BEGAIN: variants seen among roughly 807,000 people sequenced by gnomAD.
BEGAIN encodes the protein brain enriched guanylate kinase associated, also known as brain-enriched guanylate kinase-associated protein.
In BEGAIN, 19 loss-of-function variants were observed where a neutral mutation model predicts 35.8. The ratio of observed to expected loss-of-function variants is 0.53; its 90% CI spans 0.37 to 0.78. BEGAIN has a LOEUF of 0.78. BEGAIN is among the 30% of genes least tolerant of loss of function. BEGAIN has a pLI of 0.00. For missense variants in BEGAIN, 795 were observed against 853.6 expected (o/e 0.93, Z 0.85); for synonymous variants, 462 against 388.6 (o/e 1.19, Z -2.22).
intron 2 of BEGAIN, among the ~76,000 whole-genome samples, chr14:100,551,433 G>C (rs907977043): frequency 5.3e-5 from 8 of 152,192 alleles, no homozygotes; most frequent in African/African-American, 1.7e-4. Flanking sequence ...CTCTGATGCT[G>C]CCCCAGAAAT....
chr14:100,565,676 G>C (rs2034627878), intron 2 of BEGAIN, among the ~76,000 whole-genome samples: 1 of 152,034 alleles, frequency 6.6e-6, no homozygotes, highest in African/African-American at 2.4e-5. Flanking sequence ...GACACTTCAG[G>C]ACCCCTTCAC....
rs541161512 is a variant in BEGAIN at position 100,582,423 on chromosome 14, G to A, written c.42+4826C>T. Among the ~76,000 whole-genome samples, 206 of 152,328 alleles carry A rather than the reference G, an allele frequency of 1.4e-3. 1 individual carries two copies. Among genetic ancestry groups the A allele is most frequent in the African/African-American group, 4.7e-3 (197 of 41,568 alleles). On this transcript the variant is annotated intron_variant, in intron 1 of 6. Transcript: ENST00000554140. ...CTCCCAAAGTGCTGGGATTACAGGC[G>A]TGAGCCACCGCGCCCAGTCAGAAGT... is the stretch of plus-strand genomic sequence containing the variant.
Position 100,550,105 on chromosome 14 carries a change from C to T in BEGAIN, c.72-3443G>A, listed in dbSNP as rs536156549. On this transcript the variant is annotated intron_variant, in intron 2 of 6. Transcript: ENST00000554140. ...GTGCGCACGTGATTCTTGGCTCCCT[C>T]CTTGCCTGTGGGAATTCCCTGGACT... 3.3e-5 allele frequency among the ~76,000 whole-genome samples: 5 copies of T among 152,326 alleles called. No individual in the cohort carries two copies. In the East Asian group the frequency reaches 9.7e-4, roughly 29 times the overall value.
chr14:100,580,415 T>C (rs537833273), intron 1 of BEGAIN, among the ~76,000 whole-genome samples: 2 of 152,200 alleles, frequency 1.3e-5, no homozygotes, highest in African/African-American at 4.8e-5. Context: ...GTGTCTTCTC[T>C]CTCTCTCTGC....
Position 100,568,194 on chromosome 14 carries a change from G to C in BEGAIN, c.43-255C>G. The C allele has an allele frequency of 1.3e-6, 1 of 772,790 alleles. No homozygotes were observed. Among genetic ancestry groups the C allele is most frequent in the Non-Finnish European group, 1.6e-6 (1 of 628,254 alleles). The allele number at this position is 772,790 out of a possible 1,614,324, so 47.9% of individuals were successfully genotyped here. A position where few individuals can be genotyped will look rare whatever the true frequency, so the allele number is the denominator to read the frequency against. On this transcript the variant is annotated intron_variant, in intron 1 of 6. Coordinates refer to ENST00000554140, the MANE Select transcript of BEGAIN (RefSeq NM_001385089.1). The surrounding 1 kb of genome is among the most constrained non-coding windows in gnomAD (Gnocchi z 7.5). ...CCCCGCACCGAGTTACGCCCCCCGG[G>C]GCGAAGAAGGGGCCGGCCCGGGATG... is the stretch of plus-strand genomic sequence containing the variant.
At chr14:100,540,387 A>G in intron 6 of BEGAIN, 109 bp downstream of exon 6, 1 of 859,238 alleles carries the variant, frequency 1.2e-6, no homozygotes, top group Non-Finnish European at 1.8e-6. Flanking sequence ...GCTCAGGCTC[A>G]GCTGGCATCT....
intron 1 of BEGAIN, 48 bp downstream of exon 1, chr14:100,587,201 C>CACCGCG (rs1175014340): frequency 1.1e-5 from 2 of 180,982 alleles, no homozygotes; most frequent in Non-Finnish European, 2.2e-5. Flanking sequence ...CCCGCCCCGC[C>CACCGCG]TCCGCGCCCG....
At chr14:100,556,395 G>A (rs1036857153) in intron 2 of BEGAIN, among the ~76,000 whole-genome samples, 2 of 152,198 alleles carry the variant, frequency 1.3e-5, no homozygotes, top group African/African-American at 4.8e-5. Context: ...CCATGTCCTG[G>A]GGAGCCCTCG....
Position 100,538,185 on chromosome 14 carries a change from G to T in BEGAIN, c.1623C>A (p.Asp541Glu). The change falls in exon 7 of 7, where the codon GAC (aspartate) becomes GAA (glutamate). Residue 541 changes from aspartate to glutamate, a missense_variant. This residue lies in a region of BEGAIN where 664 missense variants were observed against 647.7 expected (regional missense o/e 1.03). Transcript: ENST00000554140. ...TCCCACACAGCTGCACCCCGAGCCT[G>T]TCCCCGTCCCCCCCCTCGCTGGGTG... ...GYAPSEGGDG[D>E]RLGVQLCGTA... is the part of the protein sequence containing the mutation. 1 of 1,544,198 alleles carries T rather than the reference G, an allele frequency of 6.5e-7. No homozygotes were observed.
In BEGAIN at chr14:100,545,033, G is replaced by A. The variant is rs2032190350; in HGVS notation, c.267C>T (p.Ile89=). 6.2e-7 allele frequency: 1 copy of A among 1,613,238 alleles called. No individual in the cohort carries two copies. Among genetic ancestry groups the A allele is most frequent in the African/African-American group, 1.3e-5 (1 of 75,048 alleles). ...ACAGCTTGTCCTCCAGCTCCTGGTTGATCCTCTGCAGTGCCATGTAGTTGC... is the reference window on the plus strand; with the variant it reads ...ACAGCTTGTCCTCCAGCTCCTGGTTAATCCTCTGCAGTGCCATGTAGTTGC... ...IQSNYMALQR[I]NQELEDKLYR... The change falls in exon 4 of 7, where the codon ATC becomes ATT. Residue 89 remains isoleucine, a synonymous_variant. Transcript: ENST00000554140.
At position 100,568,766 on chromosome 14, in the gene BEGAIN, G is replaced by T; in HGVS notation, c.43-827C>A. ...GCCCGGGCGGGATCGCACTTCCTGC[G>T]TGGAGCTGGGGGCGCCGGGCGGGCT... is the stretch of plus-strand genomic sequence containing the variant. On this transcript the variant is annotated intron_variant, in intron 1 of 6. Transcript: ENST00000554140. This position sits in a 1 kb window ranked among gnomAD's most constrained non-coding sequence, Gnocchi z 7.5. 1.3e-6 allele frequency: 1 copy of T among 755,866 alleles called. No homozygotes were observed. Among genetic ancestry groups the T allele is most frequent in the Non-Finnish European group, 1.6e-6 (1 of 618,964 alleles). 46.8% of individuals were successfully genotyped at this position (755,866 alleles called of 1,614,324 possible). A position where few individuals can be genotyped will look rare whatever the true frequency, so the allele number is the denominator to read the frequency against.
rs765923206 is a variant in BEGAIN at position 100,583,894 on chromosome 14, TC to T, written c.42+3354del. Among the ~76,000 whole-genome samples the T allele has an allele frequency of 1.7e-3, 264 of 152,266 alleles. 2 individuals carry two copies. The highest frequency in any genetic ancestry group is 2.0e-3 in the Non-Finnish European group (134 of 68,000). On this transcript the variant is annotated intron_variant, in intron 1 of 6. Coordinates refer to ENST00000554140, the MANE Select transcript of BEGAIN (RefSeq NM_001385089.1). Reference sequence around the variant, plus strand: ...TTTGTATTTTTATAGAGACGGGGTTTCACCATATTGGTCAGGCTGGTCTTGA... The same window carrying T: ...TTTGTATTTTTATAGAGACGGGGTTTACCATATTGGTCAGGCTGGTCTTGA...
At position 100,586,347 on chromosome 14, in the gene BEGAIN, C is replaced by A. The variant is rs2035444216; in HGVS notation, c.42+902G>T. 6.6e-6 allele frequency among the ~76,000 whole-genome samples: 1 copy of A among 152,210 alleles called. No individual in the cohort carries two copies. The highest frequency in any genetic ancestry group is 2.4e-5 in the African/African-American group (1 of 41,464). ...CCAGGGCCTGGACCCCCAGTCTGCA[C>A]TGGCGGCCGACCTTGGCCATGCGGA... On this transcript the variant is annotated intron_variant, in intron 1 of 6. Coordinates refer to ENST00000554140, the MANE Select transcript of BEGAIN (RefSeq NM_001385089.1). This position sits in a 1 kb window ranked among gnomAD's most constrained non-coding sequence, Gnocchi z 4.9.
intron 1 of BEGAIN, among the ~76,000 whole-genome samples, chr14:100,579,595 G>C (rs2035274896): frequency 6.6e-6 from 1 of 152,236 alleles, no homozygotes; most frequent in Non-Finnish European, 1.5e-5. Flanking sequence ...CTGAGGCCCT[G>C]TGTGGCATGC....
rs758609831 is a variant in BEGAIN, at chr14:100,538,089, C to T, written c.1719G>A (p.Pro573=). The stretch of plus-strand genomic sequence containing the variant: ...TGAGGCGGGCGGCAGGATGCATTTC[C>T]GGGGAGGCCTCCATGGAGCTCGGCT... ...SLEPSSMEAS[P]EMHPAARLSP... Residue 573 remains proline, a synonymous_variant, in exon 7 of 7, where the codon CCG becomes CCA. Transcript: ENST00000554140. The T allele has an allele frequency of 1.5e-5, 24 of 1,586,102 alleles. No homozygotes were observed. Among genetic ancestry groups the T allele is most frequent in the East Asian group, 2.3e-5 (1 of 44,434 alleles).
rs908617117 is a variant in BEGAIN at position 100,585,463 on chromosome 14, T to C, written c.42+1786A>G. ...ATCCATCCATCCATCCATCCATTCA[T>C]CCATCCATCCACTCTTCAGCATCAG... On this transcript the variant is annotated intron_variant, in intron 1 of 6. Coordinates refer to ENST00000554140, the MANE Select transcript of BEGAIN (RefSeq NM_001385089.1). Among the ~76,000 whole-genome samples, 5 of 144,076 alleles carry C rather than the reference T, an allele frequency of 3.5e-5. No individual in the cohort carries two copies. In the South Asian group the frequency reaches 1.2e-3, roughly 34 times the overall value. 94.5% of individuals were successfully genotyped at this position (144,076 alleles called of 152,430 possible).
Position 100,568,502 on chromosome 14 carries a change from C to T in BEGAIN, c.43-563G>A. On this transcript the variant is annotated intron_variant, in intron 1 of 6. Coordinates refer to ENST00000554140, the MANE Select transcript of BEGAIN (RefSeq NM_001385089.1). This position sits in a 1 kb window ranked among gnomAD's most constrained non-coding sequence, Gnocchi z 7.5. ...ACTCCTCAATCAGGGACCCGCTGCCCTCAGATTCTGGGGTTTTGGGCCTGG... is the reference window on the plus strand; with the variant it reads ...ACTCCTCAATCAGGGACCCGCTGCCTTCAGATTCTGGGGTTTTGGGCCTGG... 7.8e-7 allele frequency: 1 copy of T among 1,287,294 alleles called. No individual in the cohort carries two copies. The highest frequency in any genetic ancestry group is 1.0e-6 in the Non-Finnish European group (1 of 987,694). The allele number at this position is 1,287,294 out of a possible 1,614,324, so 79.7% of individuals were successfully genotyped here.
chr14:100,578,690 A>G (rs1057078058), intron 1 of BEGAIN, among the ~76,000 whole-genome samples: 2 of 152,148 alleles, frequency 1.3e-5, no homozygotes, highest in African/African-American at 4.8e-5. Flanking sequence ...CTTCTCTAGA[A>G]CATGGAAGTG....
rs183308606 is a variant in BEGAIN at position 100,545,439 on chromosome 14, C to G, written c.234-373G>C. ...TGTTATGGGGTTGACAGTTCAAATG[C>G]AAATGAGCAGGGAAGAAACTTAACA... is the stretch of plus-strand genomic sequence containing the variant. On this transcript the variant is annotated intron_variant, in intron 3 of 6. Transcript: ENST00000554140. 4.1e-4 allele frequency: 431 copies of G among 1,058,966 alleles called. 3 individuals carry two copies. The African/African-American group carries it at 6.6e-3, about 16-fold the overall frequency. 65.6% of individuals were successfully genotyped at this position (1,058,966 alleles called of 1,614,324 possible). A position where few individuals can be genotyped will look rare whatever the true frequency, so the allele number is the denominator to read the frequency against.
Sources: gnomAD v4.1 joint callset for allele counts (sites outside exome capture counted in the v4.1 genomes callset) on GRCh38, gnomAD v4.1.1 for gene constraint, gnomAD v4.1.1 regional missense constraint, Gnocchi (gnomAD v3.1) non-coding constraint, MANE v1.5 for transcripts, NCBI Gene and HGNC (gene_info 2026-07-23, HGNC 2026-07-21) for gene names.